PAIP2B: variants seen among roughly 807,000 people sequenced by gnomAD.
The protein encoded by PAIP2B is poly(A) binding protein interacting protein 2B.
A neutral mutation model predicts 17.0 loss-of-function variants in PAIP2B; 13 were observed. The observed-to-expected ratio is 0.76, with a 90% CI of 0.50 to 1.22. PAIP2B has a LOEUF of 1.22. Ranked by LOEUF, PAIP2B falls within the 50% of genes most tolerant of loss-of-function variation. The probability of loss-of-function intolerance (pLI) is 0.00; values close to 1 mark genes in which losing one functional copy is unlikely to be tolerated. For missense variants in PAIP2B, 117 were observed against 144.5 expected (o/e 0.81, Z 0.98); for synonymous variants, 43 against 48.7 (o/e 0.88, Z 0.48).
intron 1 of PAIP2B, among the ~76,000 whole-genome samples, chr2:71,211,263 A>G (rs569391827): frequency 6.6e-6 from 1 of 152,180 alleles, no homozygotes; most frequent in South Asian, 2.1e-4. Flanking sequence ...TGTCTCAAAA[A>G]AAAAAAAAGA....
Position 71,202,296 on chromosome 2 carries a change from T to C in PAIP2B, c.138+156A>G, listed in dbSNP as rs1281310286. On this transcript the variant is annotated intron_variant, in intron 2 of 3. Transcript: ENST00000244221. ...TGGTCTGTTACCAGATGAAGATGTT[T>C]CTTGGTCATTCCAGATGAGGCCCCC... Among the ~76,000 whole-genome samples, 5 of 152,198 alleles carry C rather than the reference T, an allele frequency of 3.3e-5. No individual in the cohort carries two copies. The South Asian group carries it at 8.3e-4, about 25-fold the overall frequency.
In PAIP2B at chr2:71,184,157, A is replaced by AT. The variant is rs1311556723; in HGVS notation, c.*4321dup. The AT allele has an allele frequency of 6.6e-6, 1 of 152,196 alleles. No homozygotes were observed. The highest frequency in any genetic ancestry group is 1.5e-5 in the Non-Finnish European group (1 of 68,022). The allele number at this position is 152,196 out of a possible 1,614,324, so 9.4% of individuals were successfully genotyped here. On this transcript the variant is annotated 3_prime_UTR_variant, in exon 4 of 4. Coordinates refer to ENST00000244221, the MANE Select transcript of PAIP2B (RefSeq NM_020459.1). ...ATATTAGCCTAAAATGTTTATTTTT[A>AT]TTTAAAAAGTAGCCAATAGGAAGGT...
chr2:71,201,723 C>T (rs1485062592), intron 2 of PAIP2B, among the ~76,000 whole-genome samples: 1 of 152,114 alleles, frequency 6.6e-6, no homozygotes, highest in Non-Finnish European at 1.5e-5. Flanking sequence ...AAATGAAATG[C>T]AGAGTATCAC....
In PAIP2B at chr2:71,188,488, C is replaced by A. The variant is rs1313774268; in HGVS notation, c.363G>T (p.Glu121Asp). 4 of 1,607,866 alleles carry A rather than the reference C, an allele frequency of 2.5e-6. No individual in the cohort carries two copies. In the African/African-American group the frequency reaches 5.3e-5, roughly 22 times the overall value. The change falls in exon 4 of 4, where the codon GAG becomes GAT. Residue 121 changes from glutamate to aspartate, a missense_variant. Physicochemically the swap from Glu to Asp is conservative, Grantham distance 45. Transcript: ENST00000244221. ...NPDAKEFIPG[E>D]KY ...TCAAAGCTTTCTCGGCTCAGTACTT[C>A]TCTCCTGGAATAAACTCCTTGGCAT...
intron 2 of PAIP2B, among the ~76,000 whole-genome samples, chr2:71,195,099 G>A (rs531106576): frequency 6.6e-6 from 1 of 152,284 alleles, no homozygotes; most frequent in South Asian, 2.1e-4. Context: ...TTGTGGATTA[G>A]CTTTTTGATG....
intron 1 of PAIP2B, among the ~76,000 whole-genome samples, chr2:71,204,655 A>C (rs567051241): frequency 2.0e-5 from 3 of 152,306 alleles, no homozygotes; most frequent in East Asian, 3.9e-4. Flanking sequence ...AAAAGAAATC[A>C]ATGTCTATTC....
rs959803575 is a variant in PAIP2B at position 71,187,064 on chromosome 2, A to T, written c.*1415T>A. ...AGGCCTATCACACAGCACAGTAGCA[A>T]TCAGAAAGAAGCCACTATTATCTTC... On this transcript the variant is annotated 3_prime_UTR_variant, in exon 4 of 4. Coordinates refer to ENST00000244221, the MANE Select transcript of PAIP2B (RefSeq NM_020459.1). The T allele has an allele frequency of 4.6e-5, 7 of 152,244 alleles. No individual in the cohort carries two copies. Among genetic ancestry groups the T allele is most frequent in the Middle Eastern group, 3.2e-3 (1 of 316 alleles). The allele number at this position is 152,244 out of a possible 1,614,324, so 9.4% of individuals were successfully genotyped here.
intron 1 of PAIP2B, among the ~76,000 whole-genome samples, chr2:71,224,748 G>C (rs935196181): frequency 6.6e-6 from 1 of 152,088 alleles, no homozygotes; most frequent in African/African-American, 2.4e-5. Flanking sequence ...TTTAATTATT[G>C]GTTTCTAGTT....
chr2:71,187,883 C>G lies in PAIP2B; in HGVS notation c.*596G>C, dbSNP rs1209195616. The stretch of plus-strand genomic sequence containing the variant: ...AACAATCATCAAAAGTTACTGTAAA[C>G]TAAGTACTTTAAGTCTGTGTTTTCT... On this transcript the variant is annotated 3_prime_UTR_variant, in exon 4 of 4. Transcript: ENST00000244221. The G allele has an allele frequency of 6.5e-6, 1 of 153,268 alleles. No individual in the cohort carries two copies. The highest frequency in any genetic ancestry group is 1.5e-5 in the Non-Finnish European group (1 of 68,540). The allele number at this position is 153,268 out of a possible 1,614,324, so 9.5% of individuals were successfully genotyped here.
At chr2:71,202,669 CAGA>C in intron 1 of PAIP2B, 69 bp from the exon 2 acceptor site, 1 of 1,288,832 alleles carries the variant, frequency 7.8e-7, no homozygotes, top group Non-Finnish European at 1.1e-6. Context: ...CTAAAACATG[CAGA>C]TTCTGTCAGA....
intron 2 of PAIP2B, among the ~76,000 whole-genome samples, chr2:71,193,005 C>A (rs1016552520): frequency 6.6e-6 from 1 of 152,172 alleles, no homozygotes; most frequent in Non-Finnish European, 1.5e-5. Flanking sequence ...TTTGAGGAAT[C>A]GCCATACTGC....
intron 1 of PAIP2B, among the ~76,000 whole-genome samples, chr2:71,214,010 A>T (rs898381862): frequency 6.6e-6 from 1 of 152,098 alleles, no homozygotes; most frequent in East Asian, 1.9e-4. Context: ...TTTATTTATT[A>T]AAAAAAATTT....
intron 2 of PAIP2B, among the ~76,000 whole-genome samples, chr2:71,193,669 C>A (rs187069455): frequency 2.0e-5 from 3 of 152,010 alleles, no homozygotes; most frequent in Non-Finnish European, 4.4e-5. Context: ...CTGGCTAACA[C>A]GGTGAAACCC....
chr2:71,201,820 C>A (rs1674991712), intron 2 of PAIP2B, among the ~76,000 whole-genome samples: 1 of 152,156 alleles, frequency 6.6e-6, no homozygotes, highest in Admixed American at 6.5e-5. Flanking sequence ...CTCCACTGTT[C>A]AAGCAATTAA....
chr2:71,218,233 C>A (rs1675482298), intron 1 of PAIP2B, among the ~76,000 whole-genome samples: 1 of 151,718 alleles, frequency 6.6e-6, no homozygotes, highest in Non-Finnish European at 1.5e-5. Context: ...GTTTTGGTAA[C>A]CTCAATGACA....
Position 71,198,021 on chromosome 2 carries a change from G to A in PAIP2B, c.138+4431C>T, listed in dbSNP as rs184496758. Among the ~76,000 whole-genome samples the A allele has an allele frequency of 1.3e-3, 198 of 152,334 alleles. 1 individual carries two copies. The highest frequency in any genetic ancestry group is 4.5e-3 in the African/African-American group (186 of 41,576). On this transcript the variant is annotated intron_variant, in intron 2 of 3. Transcript: ENST00000244221. ...TTACTTTGTTCCCCTCCCTTTCAGG[G>A]ATGCCAGTGATACATAGATTTGTCC...
At chr2:71,215,328 C>A (rs544021776) in intron 1 of PAIP2B, among the ~76,000 whole-genome samples, 1 of 152,240 alleles carries the variant, frequency 6.6e-6, no homozygotes, top group South Asian at 2.1e-4. Flanking sequence ...CAGACTCCCC[C>A]CAGCCTCCCA....
chr2:71,200,650 G>C (rs7599549), intron 2 of PAIP2B, among the ~76,000 whole-genome samples: 1 of 152,094 alleles, frequency 6.6e-6, no homozygotes, highest in Non-Finnish European at 1.5e-5. Flanking sequence ...TACTCAGGAG[G>C]CTAAGGCAAG....
At position 71,188,391 on chromosome 2, in the gene PAIP2B, GCCCCAT is replaced by G; in HGVS notation, c.*82_*87del. 1 of 655,530 alleles carries G rather than the reference GCCCCAT, an allele frequency of 1.5e-6. No individual in the cohort carries two copies. The highest frequency in any genetic ancestry group is 2.6e-6 in the Non-Finnish European group (1 of 389,374). 40.6% of individuals were successfully genotyped at this position (655,530 alleles called of 1,614,324 possible). A position where few individuals can be genotyped will look rare whatever the true frequency, so the allele number is the denominator to read the frequency against. On this transcript the variant is annotated 3_prime_UTR_variant, in exon 4 of 4. Transcript: ENST00000244221. ...CCTTCCCGCTGTGCACCCCTCGCCC[GCCCCAT>G]CCCCCTCTTCAGCTCCACCATTTTG... is the stretch of plus-strand genomic sequence containing the variant.
Sources: gnomAD v4.1 joint callset for allele counts (sites outside exome capture counted in the v4.1 genomes callset) on GRCh38, gnomAD v4.1.1 for gene constraint, MANE v1.5 for transcripts, NCBI Gene and HGNC (gene_info 2026-07-23, HGNC 2026-07-21) for gene names.